FBXL4: variants seen among roughly 807,000 people sequenced by gnomAD.
FBXL4 encodes the protein F-box and leucine rich repeat protein 4, also known as F-box/LRR-repeat protein 4.
A neutral mutation model predicts 58.9 loss-of-function variants in FBXL4; 40 were observed. The ratio of observed to expected loss-of-function variants is 0.68; its 90% CI spans 0.53 to 0.88. The LOEUF (loss-of-function observed/expected upper bound fraction) is 0.88. FBXL4 is among the 40% of genes least tolerant of loss of function. The pLI, the probability that FBXL4 is intolerant of heterozygous loss-of-function variation, is 0.00. For missense variants in FBXL4, 676 were observed against 734.4 expected (o/e 0.92, Z 0.92); for synonymous variants, 263 against 265.5 (o/e 0.99, Z 0.09).
chr6:98,899,160 T>C lies in FBXL4; in HGVS notation c.1317+108A>G, dbSNP rs553040307. 25 of 1,499,634 alleles carry C rather than the reference T, an allele frequency of 1.7e-5. No individual in the cohort carries two copies. In the South Asian group the frequency reaches 3.3e-4, roughly 20 times the overall value. 92.9% of individuals were successfully genotyped at this position (1,499,634 alleles called of 1,614,324 possible). A position where few individuals can be genotyped will look rare whatever the true frequency, so the allele number is the denominator to read the frequency against. ...ATTTCAGAGTAGTCAGAAGGCATCA[T>C]AAACTTGATTTAAAAATAAAAAACA... On this transcript the variant is annotated intron_variant, in intron 7 of 9. Coordinates refer to ENST00000369244, the MANE Select transcript of FBXL4 (RefSeq NM_001278716.2).
intron 1 of FBXL4, among the ~76,000 whole-genome samples, chr6:98,937,444 A>G (rs1773263903): frequency 2.0e-5 from 3 of 152,256 alleles, no homozygotes; most frequent in African/African-American, 7.2e-5. Context: ...TAATAAAGTA[A>G]GCTAGAGAAA....
chr6:98,917,952 ATTGATCAGTT>A (rs1339422392), intron 4 of FBXL4, among the ~76,000 whole-genome samples: 3 of 152,182 alleles, frequency 2.0e-5, no homozygotes, highest in Non-Finnish European at 4.4e-5. Flanking sequence ...CAGATTTCAC[ATTGATCAGTT>A]TAAAAACTGG....
rs1201136109 is a variant in FBXL4, at chr6:98,869,462, G to A, written c.*4816C>T. On this transcript the variant is annotated 3_prime_UTR_variant, in exon 10 of 10. Coordinates refer to ENST00000369244, the MANE Select transcript of FBXL4 (RefSeq NM_001278716.2). ...AACATAGGCAACATGGAAAGACTGT[G>A]TCTCTATAAAAAATAAAAAAATTAG... The A allele has an allele frequency of 6.6e-6, 1 of 152,102 alleles. No individual in the cohort carries two copies. Among genetic ancestry groups the A allele is most frequent in the Non-Finnish European group, 1.5e-5 (1 of 68,034 alleles). 9.4% of individuals were successfully genotyped at this position (152,102 alleles called of 1,614,324 possible).
At chr6:98,915,028 G>C (rs1279975205) in intron 5 of FBXL4, among the ~76,000 whole-genome samples, 1 of 152,052 alleles carries the variant, frequency 6.6e-6, no homozygotes, top group Non-Finnish European at 1.5e-5. Context: ...ACCAATAACA[G>C]ACAAACAGAG....
chr6:98,897,751 CAA>C (rs903876487), intron 7 of FBXL4, among the ~76,000 whole-genome samples: 3 of 152,110 alleles, frequency 2.0e-5, no homozygotes, highest in African/African-American at 7.2e-5. Flanking sequence ...GCAGACAGTA[CAA>C]AGAGGCCAAA....
intron 5 of FBXL4, among the ~76,000 whole-genome samples, chr6:98,912,845 A>G (rs1242355610): frequency 1.3e-5 from 2 of 152,116 alleles, no homozygotes; most frequent in Admixed American, 6.5e-5. Flanking sequence ...TTAAATATAA[A>G]TGGACTAAAT....
intron 2 of FBXL4, among the ~76,000 whole-genome samples, chr6:98,929,782 A>G (rs1772941184): frequency 6.6e-6 from 1 of 152,090 alleles, no homozygotes; most frequent in African/African-American, 2.4e-5. Context: ...CTCTGAAAGG[A>G]TCACCCTATC....
At chr6:98,947,389 G>T (rs1773661145) in intron 1 of FBXL4, among the ~76,000 whole-genome samples, 1 of 152,236 alleles carries the variant, frequency 6.6e-6, no homozygotes, top group African/African-American at 2.4e-5. Context: ...ATGTCAGAGG[G>T]AAATCAAGGC....
intron 6 of FBXL4, among the ~76,000 whole-genome samples, chr6:98,899,749 A>G (rs2128389588): frequency 6.6e-6 from 1 of 152,286 alleles, no homozygotes; most frequent in Non-Finnish European, 1.5e-5. Flanking sequence ...AGTAGAAGAT[A>G]TATTTTTCCC....
intron 5 of FBXL4, among the ~76,000 whole-genome samples, chr6:98,912,710 T>G (rs531105245): frequency 4.6e-5 from 7 of 151,844 alleles, no homozygotes; most frequent in Admixed American, 3.9e-4. Flanking sequence ...CGGTACCAGC[T>G]GCTGCAAAAT....
intron 4 of FBXL4, among the ~76,000 whole-genome samples, chr6:98,922,406 A>T (rs1340262906): frequency 2.0e-5 from 3 of 152,196 alleles, no homozygotes; most frequent in African/African-American, 4.8e-5. Context: ...TTTCCTGCAA[A>T]TTCCTGAGCT....
chr6:98,905,653 C>A lies in FBXL4; in HGVS notation c.876G>T (p.Leu292=). 6.2e-7 allele frequency: 1 copy of A among 1,613,552 alleles called. No individual in the cohort carries two copies. The highest frequency in any genetic ancestry group is 1.1e-5 in the South Asian group (1 of 91,030). Residue 292 remains leucine (L), a synonymous_variant, in exon 6 of 10, where the codon CTG becomes CTT. Coordinates refer to ENST00000369244, the MANE Select transcript of FBXL4 (RefSeq NM_001278716.2). ...ACAGGTCTGGTAGTGTAAGATGATT[C>A]AGAATCAGCTGAATAAGCTAAATAA... The part of the protein sequence containing the change: ...KLPYELIQLI[L]NHLTLPDLCR...
intron 5 of FBXL4, among the ~76,000 whole-genome samples, chr6:98,912,731 T>C (rs1025800871): frequency 6.6e-6 from 1 of 151,074 alleles, no homozygotes; most frequent in African/African-American, 2.4e-5. Context: ...CACGCCAAAA[T>C]GTAAAGACCA....
chr6:98,903,152 A>G (rs1042473010), intron 6 of FBXL4, among the ~76,000 whole-genome samples: 5 of 152,160 alleles, frequency 3.3e-5, no homozygotes, highest in African/African-American at 9.7e-5. Flanking sequence ...AGTATTACAA[A>G]TAAGTCTTCT....
At chr6:98,911,878 G>A (rs190796238) in intron 5 of FBXL4, among the ~76,000 whole-genome samples, 33 of 152,266 alleles carry the variant, frequency 2.2e-4, no homozygotes, top group Admixed American at 6.5e-4. Flanking sequence ...AAACTACTCC[G>A]AGCTACAGGA....
intron 9 of FBXL4, chr6:98,875,125 C>A: frequency 2.8e-6 from 1 of 357,260 alleles, no homozygotes; most frequent in Non-Finnish European, 5.1e-6. Flanking sequence ...ATAGAGAGCG[C>A]AGCTCATGTA....
intron 1 of FBXL4, among the ~76,000 whole-genome samples, chr6:98,947,499 G>A (rs972974029): frequency 1.3e-5 from 2 of 152,248 alleles, no homozygotes; most frequent in East Asian, 3.9e-4. Flanking sequence ...AGTCCCCCGC[G>A]GTGTAAACAA....
At chr6:98,910,194 C>T (rs552467206) in intron 5 of FBXL4, among the ~76,000 whole-genome samples, 6 of 151,200 alleles carry the variant, frequency 4.0e-5, no homozygotes, top group African/African-American at 7.4e-5. Flanking sequence ...CCTACTCTCA[C>T]CCCTAGGAAT....
At chr6:98,928,996 T>C (rs892045778) in intron 2 of FBXL4, among the ~76,000 whole-genome samples, 4 of 152,210 alleles carry the variant, frequency 2.6e-5, no homozygotes, top group African/African-American at 7.2e-5. Context: ...AGGGTTTATA[T>C]TAGGAATAAG....
Sources: allele counts gnomAD v4.1 joint callset (sites outside exome capture counted in the v4.1 genomes callset), GRCh38; gene constraint gnomAD v4.1.1; transcripts MANE v1.5; gene names NCBI Gene and HGNC (gene_info 2026-07-23, HGNC 2026-07-21).